Variants in ZNF827 observed in about 807,000 individuals in gnomAD.
ZNF827 encodes the protein zinc finger protein 827.
In ZNF827, 13 loss-of-function variants were observed where a neutral mutation model predicts 102.4. The observed-to-expected ratio is 0.13, with a 90% CI of 0.08 to 0.20. The LOEUF (loss-of-function observed/expected upper bound fraction) is 0.20, where lower values mean the gene tolerates loss of function less well. Among genes scored for constraint, ZNF827 ranks in the 10% least tolerant of loss-of-function variants. The probability of loss-of-function intolerance (pLI) is 1.00; values close to 1 mark genes in which losing one functional copy is unlikely to be tolerated. For missense variants in ZNF827, 1,103 were observed against 1,344.4 expected (o/e 0.82, Z 2.81); for synonymous variants, 523 against 536.2 (o/e 0.98, Z 0.34).
intron 4 of ZNF827, among the ~76,000 whole-genome samples, chr4:145,877,134 C>T (rs1749215051): frequency 6.6e-6 from 1 of 152,188 alleles, no homozygotes; most frequent in African/African-American, 2.4e-5. Context: ...CTGTTTTCCA[C>T]TCCCTTACTT....
At chr4:145,843,380 A>C (rs1243014054) in intron 7 of ZNF827, among the ~76,000 whole-genome samples, 2 of 152,148 alleles carry the variant, frequency 1.3e-5, no homozygotes, top group African/African-American at 4.8e-5. Context: ...TCTTACTCAT[A>C]ATCTCCCAGA....
At chr4:145,838,532 T>A (rs1450184268) in intron 7 of ZNF827, among the ~76,000 whole-genome samples, 1 of 152,070 alleles carries the variant, frequency 6.6e-6, no homozygotes, top group Non-Finnish European at 1.5e-5. Context: ...ATTGTTTATA[T>A]TAACAATTTT....
At chr4:145,785,951 C>T (rs542480463) in intron 8 of ZNF827, among the ~76,000 whole-genome samples, 2 of 152,248 alleles carry the variant, frequency 1.3e-5, no homozygotes, top group African/African-American at 4.8e-5. Flanking sequence ...TTTCCAGGCA[C>T]AGAGATGTTA....
intron 11 of ZNF827, among the ~76,000 whole-genome samples, chr4:145,769,150 G>C (rs1477165468): frequency 6.6e-6 from 1 of 151,730 alleles, no homozygotes; most frequent in Non-Finnish European, 1.5e-5. Flanking sequence ...TCTTACTTCA[G>C]TTCACAATTT....
chr4:145,830,447 G>C (rs1346928638), intron 7 of ZNF827: 1 of 151,870 alleles, frequency 6.6e-6, no homozygotes, highest in African/African-American at 2.4e-5. Context: ...ATGAAAATAA[G>C]GTCACAACTG....
chr4:145,910,389 G>A (rs1326330907), intron 1 of ZNF827, among the ~76,000 whole-genome samples: 1 of 152,120 alleles, frequency 6.6e-6, no homozygotes. Flanking sequence ...CAGCAGGAAT[G>A]GCAACTCCTC....
intron 1 of ZNF827, among the ~76,000 whole-genome samples, chr4:145,929,436 AG>A (rs1172557478): frequency 3.3e-5 from 5 of 152,228 alleles, no homozygotes; most frequent in African/African-American, 1.2e-4. Flanking sequence ...CTCACTTTAT[AG>A]TAAAATCTGG....
intron 7 of ZNF827, among the ~76,000 whole-genome samples, chr4:145,845,147 G>A (rs1190408968): frequency 1.3e-5 from 2 of 152,216 alleles, no homozygotes; most frequent in African/African-American, 4.8e-5. Context: ...TTTGAAAGTG[G>A]AGAATGGTCC....
At chr4:145,871,815 C>G (rs759784783) in intron 4 of ZNF827, among the ~76,000 whole-genome samples, 8 of 152,094 alleles carry the variant, frequency 5.3e-5, no homozygotes, top group Admixed American at 5.2e-4. Context: ...TCACACAGAC[C>G]AGCATATTTG....
intron 1 of ZNF827, among the ~76,000 whole-genome samples, chr4:145,916,274 C>T (rs547319163): frequency 1.3e-5 from 2 of 152,298 alleles, no homozygotes; most frequent in South Asian, 4.1e-4. Context: ...GCCATATGCC[C>T]ACAGCTCTTG....
chr4:145,931,213 T>C (rs1423124641), intron 1 of ZNF827, among the ~76,000 whole-genome samples: 1 of 152,208 alleles, frequency 6.6e-6, no homozygotes, highest in Admixed American at 6.5e-5. Flanking sequence ...ATTATTCTCT[T>C]ATAAAATATG....
At chr4:145,935,605 A>C (rs1168316230) in intron 1 of ZNF827, among the ~76,000 whole-genome samples, 2 of 152,226 alleles carry the variant, frequency 1.3e-5, no homozygotes, top group Non-Finnish European at 2.9e-5. Context: ...GTGTTTCCAA[A>C]GGTAATTGCT....
chr4:145,869,289 C>T (rs1748479228), intron 5 of ZNF827, among the ~76,000 whole-genome samples: 1 of 152,168 alleles, frequency 6.6e-6, no homozygotes, highest in East Asian at 1.9e-4. Flanking sequence ...CTTTCCAACC[C>T]ACTAGTCAAC....
chr4:145,797,136 T>C (rs766160734), intron 8 of ZNF827, among the ~76,000 whole-genome samples: 1 of 152,238 alleles, frequency 6.6e-6, no homozygotes, highest in Admixed American at 6.5e-5. Context: ...TTAGAGCCAG[T>C]GGCTCTGACT....
intron 1 of ZNF827, among the ~76,000 whole-genome samples, chr4:145,917,753 C>T (rs940274446): frequency 1.3e-5 from 2 of 148,318 alleles, no homozygotes; most frequent in Non-Finnish European, 3.0e-5. Flanking sequence ...ATTCATATGC[C>T]ATTTCCTGGG....
intron 6 of ZNF827, among the ~76,000 whole-genome samples, chr4:145,847,014 C>T (rs1339776925): frequency 1.3e-5 from 2 of 151,012 alleles, no homozygotes; most frequent in East Asian, 2.0e-4. Context: ...ATTAGCAGGG[C>T]GTGATGGCGC....
At chr4:145,835,899 A>T (rs559711601) in intron 7 of ZNF827, among the ~76,000 whole-genome samples, 13 of 151,632 alleles carry the variant, frequency 8.6e-5, no homozygotes, top group Non-Finnish European at 1.2e-4. Context: ...CGCCTTATCA[A>T]CCAAATTGTT....
chr4:145,895,860 A>G (rs990313634), intron 2 of ZNF827, among the ~76,000 whole-genome samples: 1 of 152,180 alleles, frequency 6.6e-6, no homozygotes, highest in Non-Finnish European at 1.5e-5. Context: ...ACTTCCTCAG[A>G]ATGAACCATA....
At chr4:145,880,238 A>G (rs570889514) in intron 4 of ZNF827, among the ~76,000 whole-genome samples, 1 of 152,216 alleles carries the variant, frequency 6.6e-6, no homozygotes, top group Admixed American at 6.5e-5. Flanking sequence ...CGTCTAAAAA[A>G]AAGAATCTCA....
Sources: allele counts gnomAD v4.1 joint callset (sites outside exome capture counted in the v4.1 genomes callset), GRCh38; gene constraint gnomAD v4.1.1; transcripts MANE v1.5; gene names NCBI Gene and HGNC (gene_info 2026-07-23, HGNC 2026-07-21).